Variants in KCNB2 observed in about 807,000 individuals in gnomAD.
KCNB2 encodes delayed rectifier potassium channel protein.
In KCNB2, 15 loss-of-function variants were observed where a neutral mutation model predicts 61.5. The ratio of observed to expected loss-of-function variants is 0.24; its 90% CI spans 0.16 to 0.38. The LOEUF (loss-of-function observed/expected upper bound fraction) is 0.38, where lower values mean the gene tolerates loss of function less well. KCNB2 is among the 10% of genes least tolerant of loss of function. The pLI is 1.00. For synonymous variants in KCNB2, 457 were observed against 446.0 expected, an observed-to-expected ratio of 1.02 and a Z score of -0.31; for missense variants, 828 against 1,125.2, an observed-to-expected ratio of 0.74 and a Z score of 3.78.
At chr8:72,648,152 G>T (rs1806160264) in intron 2 of KCNB2, among the ~76,000 whole-genome samples, 1 of 152,116 alleles carries the variant, frequency 6.6e-6, no homozygotes, top group African/African-American at 2.4e-5. Context: ...TTCGTGTCGA[G>T]AGTTTCTGCA....
intron 2 of KCNB2, among the ~76,000 whole-genome samples, chr8:72,831,189 T>G (rs1809688104): frequency 6.6e-6 from 1 of 152,216 alleles, no homozygotes; most frequent in South Asian, 2.1e-4. Context: ...TCTTGCACTT[T>G]TACCCCCACA....
chr8:72,852,214 T>G (rs1473397761), intron 2 of KCNB2, among the ~76,000 whole-genome samples: 1 of 152,200 alleles, frequency 6.6e-6, no homozygotes, highest in Non-Finnish European at 1.5e-5. Flanking sequence ...GAGCTGTGAT[T>G]GCATTACTGC....
chr8:72,821,810 A>G (rs1420521006), intron 2 of KCNB2, among the ~76,000 whole-genome samples: 1 of 152,112 alleles, frequency 6.6e-6, no homozygotes, highest in Non-Finnish European at 1.5e-5. Context: ...TTTATAACAA[A>G]GGTGAAGGGA....
chr8:72,767,706 G>A (rs1007093861), intron 2 of KCNB2, among the ~76,000 whole-genome samples: 1 of 152,156 alleles, frequency 6.6e-6, no homozygotes, highest in Non-Finnish European at 1.5e-5. Context: ...ATGAGTTTTT[G>A]TGTGGATATG....
chr8:72,617,789 C>G (rs539073083), intron 2 of KCNB2, among the ~76,000 whole-genome samples: 2 of 152,122 alleles, frequency 1.3e-5, no homozygotes, highest in Admixed American at 6.6e-5. Flanking sequence ...ATGCTAAATT[C>G]GCCACCTCCC....
intron 2 of KCNB2, among the ~76,000 whole-genome samples, chr8:72,926,027 T>G (rs34602788): frequency 6.6e-6 from 1 of 151,988 alleles, no homozygotes. Flanking sequence ...TTCTTACTTA[T>G]GAGTAGGAGC....
At chr8:72,562,714 T>G (rs942870206) in intron 1 of KCNB2, among the ~76,000 whole-genome samples, 1 of 152,260 alleles carries the variant, frequency 6.6e-6, no homozygotes, top group African/African-American at 2.4e-5. Context: ...ATTTAAGCAT[T>G]GAATTATTGC....
chr8:72,541,215 TAA>T (rs905613466), intron 1 of KCNB2, among the ~76,000 whole-genome samples: 2 of 151,784 alleles, frequency 1.3e-5, no homozygotes, highest in Admixed American at 1.3e-4. Context: ...TATTTAATTT[TAA>T]ATGTAGAGTA....
At chr8:72,732,390 C>T (rs1807761045) in intron 2 of KCNB2, among the ~76,000 whole-genome samples, 1 of 152,240 alleles carries the variant, frequency 6.6e-6, no homozygotes, top group Admixed American at 6.5e-5. Flanking sequence ...AGTGAGTCTT[C>T]ACTCCTCCCT....
intron 2 of KCNB2, among the ~76,000 whole-genome samples, chr8:72,915,404 A>G (rs1806375342): frequency 6.6e-6 from 1 of 152,168 alleles, no homozygotes; most frequent in Non-Finnish European, 1.5e-5. Context: ...TTTGGGAATG[A>G]GAAGTTAAGC....
At chr8:72,818,164 C>CCAA (rs921981623) in intron 2 of KCNB2, among the ~76,000 whole-genome samples, 47 of 151,942 alleles carry the variant, frequency 3.1e-4, no homozygotes, top group African/African-American at 8.0e-4. Context: ...AATTTATCCT[C>CCAA]CAACAACAAC....
intron 2 of KCNB2, among the ~76,000 whole-genome samples, chr8:72,584,106 C>CA (rs575686116): frequency 8.7e-4 from 127 of 145,586 alleles, no homozygotes; most frequent in East Asian, 2.2e-3. Context: ...CAAAACAAAA[C>CA]AAAAAAAAAC....
chr8:72,573,218 A>G (rs751621442), intron 2 of KCNB2, among the ~76,000 whole-genome samples: 81 of 152,244 alleles, frequency 5.3e-4, no homozygotes, highest in African/African-American at 1.4e-3. Context: ...GAAAAAATAC[A>G]TAACATTCTC....
chr8:72,872,210 G>T (rs1316205599), intron 2 of KCNB2, among the ~76,000 whole-genome samples: 1 of 152,184 alleles, frequency 6.6e-6, no homozygotes, highest in Non-Finnish European at 1.5e-5. Flanking sequence ...TATGGAAATT[G>T]CTCCATTTGG....
chr8:72,724,471 G>T (rs1229571772), intron 2 of KCNB2, among the ~76,000 whole-genome samples: 1 of 152,072 alleles, frequency 6.6e-6, no homozygotes, highest in Non-Finnish European at 1.5e-5. Context: ...GCCTTAATTG[G>T]TAAAGTCCAG....
At chr8:72,857,302 G>A (rs1013410671) in intron 2 of KCNB2, among the ~76,000 whole-genome samples, 2 of 152,194 alleles carry the variant, frequency 1.3e-5, no homozygotes, top group Admixed American at 6.5e-5. Flanking sequence ...TGAAGGGGAA[G>A]CAAGAGTTGA....
intron 2 of KCNB2, among the ~76,000 whole-genome samples, chr8:72,733,761 G>A (rs920579304): frequency 6.6e-6 from 1 of 152,068 alleles, no homozygotes; most frequent in Non-Finnish European, 1.5e-5. Flanking sequence ...TCTGATTGTA[G>A]CCCCTGATTT....
chr8:72,774,050 C>T lies in KCNB2; in HGVS notation c.580-161885C>T, dbSNP rs894795043. Among the ~76,000 whole-genome samples, 15 of 152,248 alleles carry T rather than the reference C, an allele frequency of 9.9e-5. No individual in the cohort carries two copies. The East Asian group carries it at 2.3e-3, about 23-fold the overall frequency. ...TTATTATATGCTACTGGACCAAGGG[C>T]TTTTACATGCATTTCTCATTAAATC... is the stretch of plus-strand genomic sequence containing the variant. On this transcript the variant is annotated intron_variant, in intron 2 of 2. Coordinates refer to ENST00000523207, the MANE Select transcript of KCNB2 (RefSeq NM_004770.3).
At chr8:72,836,579 T>C (rs1487951773) in intron 2 of KCNB2, among the ~76,000 whole-genome samples, 4 of 152,200 alleles carry the variant, frequency 2.6e-5, no homozygotes, top group Non-Finnish European at 5.9e-5. Context: ...TATTACTTTT[T>C]ATCTTTGTAC....
Sources: allele counts gnomAD v4.1 joint callset (sites outside exome capture counted in the v4.1 genomes callset), GRCh38; gene constraint gnomAD v4.1.1; transcripts MANE v1.5; gene names NCBI Gene and HGNC (gene_info 2026-07-23, HGNC 2026-07-21).